The following RYR2 variants were observed in gnomAD, a reference collection of about 807,000 sequenced individuals.
RYR2 encodes the protein cardiac muscle ryanodine receptor-calcium release channel.
A neutral mutation model predicts 601.1 loss-of-function variants in RYR2; 227 were observed. The observed-to-expected ratio is 0.38, with a 90% confidence interval of 0.34 to 0.42. The LOEUF (loss-of-function observed/expected upper bound fraction) is 0.42, where lower values mean the gene tolerates loss of function less well. RYR2 is among the 10% of genes least tolerant of loss of function. The pLI is 1.00. For missense variants in RYR2, 4,646 were observed against 6,156.5 expected, an observed-to-expected ratio of 0.75 and a Z score of 8.21; for synonymous variants, 2,223 against 2,175.1, an observed-to-expected ratio of 1.02 and a Z score of -0.61.
intron 84 of RYR2, among the ~76,000 whole-genome samples, chr1:237,769,194 A>G (rs895523989): frequency 1.3e-5 from 2 of 152,200 alleles, no homozygotes; most frequent in Non-Finnish European, 2.9e-5. Flanking sequence ...CAATAAGCCT[A>G]TGTAATGAAC....
Position 237,654,320 on chromosome 1 carries a change from C to T in RYR2, c.7871C>T (p.Pro2624Leu). The change falls in exon 52 of 105, where the codon CCT (proline) becomes CTT (leucine). Residue 2624 changes from proline (P) to leucine (L), a missense_variant. Pro to Leu is a moderately conservative substitution (Grantham distance 98). This residue lies in a region of RYR2 where 1,497 missense variants were observed against 1,842.6 expected (regional missense o/e 0.81). Transcript: ENST00000366574. ...YERCWKYYCL[P>L]GGWGNFGAAS... Reference sequence around the variant, plus strand: ...AGATGCTGGAAATATTACTGCCTGCCTGGAGGGTGGGGAAACTTTGGTGCT... The same window carrying T: ...AGATGCTGGAAATATTACTGCCTGCTTGGAGGGTGGGGAAACTTTGGTGCT... The T allele has an allele frequency of 6.2e-7, 1 of 1,613,870 alleles. No homozygotes were observed. The highest frequency in any genetic ancestry group is 8.5e-7 in the Non-Finnish European group (1 of 1,179,854).
In RYR2 at chr1:237,284,696, A is replaced by ACACACACACC. The variant is rs1286824875; in HGVS notation, c.168+14081_168+14082insACACACACCC. Reference sequence around the variant, plus strand: ...TATATATATATGTACACACACACACACCCATAAACACCCCCCCACACACAC... The same window carrying ACACACACACC: ...TATATATATATGTACACACACACACACACACACACCCCCATAAACACCCCCCCACACACAC... On this transcript the variant is annotated intron_variant, in intron 2 of 104. Coordinates refer to ENST00000366574, the MANE Select transcript of RYR2 (RefSeq NM_001035.3). Among the ~76,000 whole-genome samples the ACACACACACC allele has an allele frequency of 4.2e-3, 620 of 148,240 alleles. 3 individuals carry two copies. Among genetic ancestry groups the ACACACACACC allele is most frequent in the Non-Finnish European group, 6.7e-3 (447 of 67,062 alleles).
At chr1:237,288,102 T>G (rs114670424) in intron 2 of RYR2, among the ~76,000 whole-genome samples, 279 of 152,302 alleles carry the variant, frequency 1.8e-3, no homozygotes, top group African/African-American at 6.6e-3. Context: ...AGCCACCTGG[T>G]GAGTCTACCC....
chr1:237,691,584 TTAAGA>T (rs1042432169), intron 63 of RYR2, among the ~76,000 whole-genome samples: 11 of 152,206 alleles, frequency 7.2e-5, no homozygotes, highest in African/African-American at 2.7e-4. Context: ...TATACAGGAA[TTAAGA>T]TAATAGTGTT....
At chr1:237,417,574 A>G (rs1372780336) in intron 11 of RYR2, among the ~76,000 whole-genome samples, 1 of 152,230 alleles carries the variant, frequency 6.6e-6, no homozygotes, top group Non-Finnish European at 1.5e-5. Flanking sequence ...AGCGTAGGAC[A>G]GAGTCATTAC....
At position 237,481,833 on chromosome 1, in the gene RYR2, AAAC is replaced by A. The variant is rs1444968636; in HGVS notation, c.1709-9972_1709-9970del. ...GCAAAAAAAAAAAAAAAAAAAAAAAAAACCACCTCCCAAACTCCTTGGATCTTG... is the reference window on the plus strand; with the variant it reads ...GCAAAAAAAAAAAAAAAAAAAAAAAACACCTCCCAAACTCCTTGGATCTTG... On this transcript the variant is annotated intron_variant, in intron 17 of 104. Transcript: ENST00000366574. Among the ~76,000 whole-genome samples, 166 of 141,644 alleles carry A rather than the reference AAAC, an allele frequency of 1.2e-3. 10 individuals are homozygous for A. The highest frequency in any genetic ancestry group is 4.0e-3 in the African/African-American group (142 of 35,186). 92.9% of individuals were successfully genotyped at this position (141,644 alleles called of 152,430 possible).
chr1:237,595,771 C>T, intron 34 of RYR2, 114 bp downstream of exon 34: 2 of 1,279,838 alleles, frequency 1.6e-6, no homozygotes, highest in East Asian at 2.7e-5. Context: ...ACATGTGCCC[C>T]TGGTCTGAAA....
intron 93 of RYR2, 132 bp downstream of exon 93, chr1:237,791,647 G>A: frequency 1.6e-6 from 1 of 612,394 alleles, no homozygotes; most frequent in Non-Finnish European, 2.9e-6. Context: ...TGGTGCCTAG[G>A]CACTGATATC....
chr1:237,236,577 A>G (rs1685568537), intron 1 of RYR2, among the ~76,000 whole-genome samples: 1 of 152,192 alleles, frequency 6.6e-6, no homozygotes, highest in South Asian at 2.1e-4. Context: ...GGTTGTGCAG[A>G]TAGTTATTGG....
chr1:237,623,963 C>T (rs989411019), intron 39 of RYR2, 93 bp downstream of exon 39: 19 of 766,578 alleles, frequency 2.5e-5, no homozygotes, highest in South Asian at 4.7e-5. Context: ...AATATTTTCA[C>T]GAATACACAC....
At chr1:237,800,278 AT>A (rs1046786240) in intron 97 of RYR2, among the ~76,000 whole-genome samples, 3 of 152,184 alleles carry the variant, frequency 2.0e-5, no homozygotes, top group East Asian at 1.9e-4. Context: ...AAACTACTAC[AT>A]TTTTTCCCCC....
chr1:237,455,062 C>G (rs1658644440), intron 15 of RYR2, among the ~76,000 whole-genome samples: 1 of 152,116 alleles, frequency 6.6e-6, no homozygotes, highest in African/African-American at 2.4e-5. Context: ...CCTACTTGGA[C>G]AGAGCAACCC....
At position 237,503,466 on chromosome 1, in the gene RYR2, G is replaced by A. The variant is rs367992907; in HGVS notation, c.2574G>A (p.Thr858=). The A allele has an allele frequency of 1.6e-4, 258 of 1,613,854 alleles. 1 individual carries two copies. The Middle Eastern group carries it at 3.0e-3, about 19-fold the overall frequency. ...TGCTGGGCCCCACAGTTTCCCTGACGCAAGCTGCCTTCACACCCATCCCTG... is the reference window on the plus strand; with the variant it reads ...TGCTGGGCCCCACAGTTTCCCTGACACAAGCTGCCTTCACACCCATCCCTG... ...RDLLGPTVSL[T]QAAFTPIPVD... is the part of the protein sequence containing the mutation. Residue 858 remains threonine, a synonymous_variant, in exon 22 of 105, where the codon ACG becomes ACA. Transcript: ENST00000366574.
rs79021129 is a variant in RYR2, at chr1:237,156,129, C to T, written c.48+113560C>T. Reference sequence around the variant, plus strand: ...GCTCTGTGTTCTCTGACCTCTTCCTCTGCTGTATTCCTGGCCATCATGTCA... The same window carrying T: ...GCTCTGTGTTCTCTGACCTCTTCCTTTGCTGTATTCCTGGCCATCATGTCA... On this transcript the variant is annotated intron_variant, in intron 1 of 104. Transcript: ENST00000366574. 4.5e-3 allele frequency among the ~76,000 whole-genome samples: 679 copies of T among 152,306 alleles called. 33 individuals carry two copies. In the East Asian group the frequency reaches 0.12, roughly 28 times the overall value.
chr1:237,250,802 A>G (rs1687384072), intron 1 of RYR2, among the ~76,000 whole-genome samples: 4 of 152,128 alleles, frequency 2.6e-5, no homozygotes, highest in African/African-American at 9.7e-5. Flanking sequence ...TTTCAGGATT[A>G]TTTCCATCAG....
intron 2 of RYR2, among the ~76,000 whole-genome samples, chr1:237,310,089 A>G (rs1288468823): frequency 6.6e-6 from 1 of 152,174 alleles, no homozygotes; most frequent in Non-Finnish European, 1.5e-5. Flanking sequence ...AAACGCTCCT[A>G]AAGCATGGCC....
intron 1 of RYR2, among the ~76,000 whole-genome samples, chr1:237,066,955 C>T (rs2385610): frequency 0.77 from 117,812 of 152,144 alleles, 46,206 homozygotes; most frequent in East Asian, 0.99. Flanking sequence ...TTTTAAAAGT[C>T]GAATGTCTTT....
intron 3 of RYR2, chr1:237,333,541 T>C (rs1696953883): frequency 2.2e-6 from 1 of 453,816 alleles, no homozygotes; most frequent in East Asian, 7.0e-5. Flanking sequence ...CTGTGGGGAC[T>C]TGCGGCAGCA....
chr1:237,722,677 C>T (rs1170043479), intron 73 of RYR2, among the ~76,000 whole-genome samples: 1 of 152,146 alleles, frequency 6.6e-6, no homozygotes, highest in Non-Finnish European at 1.5e-5. Flanking sequence ...TCATGATCCG[C>T]CCACCTCGGC....
Sources: gnomAD v4.1 joint callset for allele counts (sites outside exome capture counted in the v4.1 genomes callset) on GRCh38, gnomAD v4.1.1 for gene constraint, gnomAD v4.1.1 regional missense constraint, MANE v1.5 for transcripts, NCBI Gene and HGNC (gene_info 2026-07-23, HGNC 2026-07-21) for gene names.